CFAP57: variants seen among roughly 807,000 people sequenced by gnomAD.
CFAP57 encodes cilia- and flagella-associated protein 57.
CFAP57 carries 116 observed loss-of-function variants against 146.8 expected under a neutral mutation model. The ratio of observed to expected loss-of-function variants is 0.79; its 90% confidence interval spans 0.68 to 0.92. The LOEUF is 0.92. Ranked by LOEUF, CFAP57 falls within the 40% of genes least tolerant of loss-of-function variation. The pLI is 0.00. For missense variants in CFAP57, 1,377 were observed against 1,527.2 expected, an observed-to-expected ratio of 0.90 and a Z score of 1.64; for synonymous variants, 518 against 552.8, an observed-to-expected ratio of 0.94 and a Z score of 0.88.
chr1:43,227,855 T>A (rs928173153), intron 18 of CFAP57, among the ~76,000 whole-genome samples: 5 of 152,220 alleles, frequency 3.3e-5, no homozygotes, highest in Admixed American at 3.3e-4. Context: ...TCTCAGTTAG[T>A]GGTCTATGAT....
rs185118079 is a variant in CFAP57 at position 43,213,126 on chromosome 1, C to T, written c.1930-2129C>T. The stretch of plus-strand genomic sequence containing the variant: ...TTTTTGAGATAGAGTCTCACTCTGT[C>T]GCCCAGGCTTGAGTGCAATGGCATG... On this transcript the variant is annotated intron_variant, in intron 11 of 22. Coordinates refer to ENST00000372492, the MANE Select transcript of CFAP57 (RefSeq NM_001378189.1). 8.9e-4 allele frequency among the ~76,000 whole-genome samples: 136 copies of T among 152,016 alleles called. 1 individual carries two copies. The highest frequency in any genetic ancestry group is 1.6e-3 in the Admixed American group (25 of 15,240).
At chr1:43,216,145 G>A (rs1644823763) in intron 12 of CFAP57, among the ~76,000 whole-genome samples, 1 of 152,214 alleles carries the variant, frequency 6.6e-6, no homozygotes, top group South Asian at 2.1e-4. Flanking sequence ...TGTTTGTCCA[G>A]AATCTTAAGT....
At position 43,246,437 on chromosome 1, in the gene CFAP57, T is replaced by C. The variant is rs78711825; in HGVS notation, c.3538+3078T>C. Among the ~76,000 whole-genome samples the C allele has an allele frequency of 1.7e-3, 266 of 152,266 alleles. 1 individual carries two copies. Among genetic ancestry groups the C allele is most frequent in the African/African-American group, 5.9e-3 (244 of 41,556 alleles). On this transcript the variant is annotated intron_variant, in intron 22 of 22. Transcript: ENST00000372492. ...TCATTTAGTAGGGAAAGGACAGTCT[T>C]CTCAACAAGTAGTGTTGGGAAAACT...
At chr1:43,198,353 G>A in intron 7 of CFAP57, 128 bp from the exon 8 acceptor site, 1 of 1,063,462 alleles carries the variant, frequency 9.4e-7, no homozygotes, top group Non-Finnish European at 1.4e-6. Context: ...CTAGAAAAGA[G>A]AGGAACCAAC....
intron 3 of CFAP57, 104 bp from the exon 4 acceptor site, chr1:43,183,487 A>T: frequency 9.8e-7 from 1 of 1,020,340 alleles, no homozygotes. Context: ...TGTTTTGGAG[A>T]TATTCTGAGC....
At position 43,201,030 on chromosome 1, in the gene CFAP57, G is replaced by A. The variant is rs1418440163; in HGVS notation, c.1542+1527G>A. Among the ~76,000 whole-genome samples the A allele has an allele frequency of 2.6e-5, 4 of 152,214 alleles. No homozygotes were observed. Among genetic ancestry groups the A allele is most frequent in the Non-Finnish European group, 4.4e-5 (3 of 68,034 alleles). On this transcript the variant is annotated intron_variant, in intron 9 of 22. Coordinates refer to ENST00000372492, the MANE Select transcript of CFAP57 (RefSeq NM_001378189.1). This position sits in a 1 kb window ranked among gnomAD's most constrained non-coding sequence, Gnocchi z 4.4. ...TAGTAGCGGAGGCAGAGAGAAGAAAGAGATGAAGTTCCATTTTGGCCATGT... is the reference window on the plus strand; with the variant it reads ...TAGTAGCGGAGGCAGAGAGAAGAAAAAGATGAAGTTCCATTTTGGCCATGT...
chr1:43,178,644 G>A (rs913272383), intron 2 of CFAP57, among the ~76,000 whole-genome samples: 11 of 152,212 alleles, frequency 7.2e-5, no homozygotes, highest in African/African-American at 2.7e-4. Flanking sequence ...AACAGGTACT[G>A]GAGAGAATGT....
At chr1:43,217,013 A>C (rs533059511) in intron 12 of CFAP57, among the ~76,000 whole-genome samples, 2 of 152,358 alleles carry the variant, frequency 1.3e-5, no homozygotes, top group Non-Finnish European at 2.9e-5. Flanking sequence ...AGGGGAAGGA[A>C]CTTGGCTCAG....
intron 22 of CFAP57, among the ~76,000 whole-genome samples, chr1:43,253,753 G>A (rs1344022485): frequency 6.6e-6 from 1 of 152,002 alleles, no homozygotes. Flanking sequence ...CTGGGCTGGG[G>A]TGGTTCTCAG....
chr1:43,239,431 C>T (rs1645824564), intron 21 of CFAP57, among the ~76,000 whole-genome samples: 1 of 151,016 alleles, frequency 6.6e-6, no homozygotes, highest in Non-Finnish European at 1.5e-5. Flanking sequence ...ATCCCAATCA[C>T]AGTGACAGGG....
rs1000649818 is a variant in CFAP57, at chr1:43,201,994, G to A, written c.1542+2491G>A. Among the ~76,000 whole-genome samples the A allele has an allele frequency of 6.6e-5, 10 of 152,122 alleles. No homozygotes were observed. The highest frequency in any genetic ancestry group is 2.1e-4 in the South Asian group (1 of 4,816). On this transcript the variant is annotated intron_variant, in intron 9 of 22. Transcript: ENST00000372492. This position sits in a 1 kb window ranked among gnomAD's most constrained non-coding sequence, Gnocchi z 4.4. ...AGTCTTCAAGTGACTGTGGAGATGC[G>A]GATGAAAGTACAGAAAGTGATTCTG...
intron 13 of CFAP57, 47 bp downstream of exon 13, chr1:43,219,584 C>T: frequency 1.3e-6 from 2 of 1,547,356 alleles, no homozygotes; most frequent in Non-Finnish European, 8.7e-7. Flanking sequence ...AAGAAATTTC[C>T]ACTTTCAAGA....
chr1:43,223,520 G>A (rs1645131663), intron 16 of CFAP57, among the ~76,000 whole-genome samples: 1 of 152,132 alleles, frequency 6.6e-6, no homozygotes, highest in Admixed American at 6.5e-5. Flanking sequence ...CAGGGGTGAG[G>A]GAGGATTCAA....
At chr1:43,185,118 T>C (rs1273563292) in intron 4 of CFAP57, 31 bp from the exon 5 acceptor site, 1 of 1,610,358 alleles carries the variant, frequency 6.2e-7, no homozygotes, top group Non-Finnish European at 8.5e-7. Flanking sequence ...ATTGTCTCTA[T>C]AAATTATGTA....
rs1365826886 is a variant in CFAP57, at chr1:43,180,223, T to TATA, written c.158-1311_158-1310insATA. ...CTCTATCTCAAAAAATATATATATT[T>TATA]TATATATATATATATAAAATATATA... On this transcript the variant is annotated intron_variant, in intron 2 of 22. Coordinates refer to ENST00000372492, the MANE Select transcript of CFAP57 (RefSeq NM_001378189.1). Among the ~76,000 whole-genome samples, 269 of 137,388 alleles carry TATA rather than the reference T, an allele frequency of 2.0e-3. 3 individuals carry two copies. The highest frequency in any genetic ancestry group is 7.1e-3 in the African/African-American group (255 of 36,032). The allele number at this position is 137,388 out of a possible 152,430, so 90.1% of individuals were successfully genotyped here.
chr1:43,210,252 G>T, intron 11 of CFAP57: 3 of 1,474,860 alleles, frequency 2.0e-6, no homozygotes, highest in South Asian at 2.8e-5. Flanking sequence ...TCCAGAGAAT[G>T]CCCCAGACTG....
At chr1:43,206,355 C>T in intron 9 of CFAP57, 1 of 222,962 alleles carries the variant, frequency 4.5e-6, no homozygotes, top group South Asian at 7.1e-5. Context: ...CCGTGCCATT[C>T]CAGAAGTCCA....
At chr1:43,220,692 C>T (rs1291665864) in intron 13 of CFAP57, among the ~76,000 whole-genome samples, 1 of 152,136 alleles carries the variant, frequency 6.6e-6, no homozygotes, top group East Asian at 1.9e-4. Flanking sequence ...GCACTGCACT[C>T]CAGCTTGGAT....
At chr1:43,208,927 G>A (rs1269842050) in intron 10 of CFAP57, among the ~76,000 whole-genome samples, 1 of 152,144 alleles carries the variant, frequency 6.6e-6, no homozygotes, top group Admixed American at 6.5e-5. Context: ...AGTTACCTGT[G>A]GTCAACCAAG....
Sources: gnomAD v4.1 joint callset for allele counts (sites outside exome capture counted in the v4.1 genomes callset) on GRCh38, gnomAD v4.1.1 for gene constraint, Gnocchi (gnomAD v3.1) non-coding constraint, MANE v1.5 for transcripts, NCBI Gene and HGNC (gene_info 2026-07-23, HGNC 2026-07-21) for gene names.